The following KCNIP4 variants were observed in gnomAD, a reference collection of about 807,000 sequenced individuals.
KCNIP4 encodes the protein Kv channel-interacting protein 4.
A neutral mutation model predicts 34.0 loss-of-function variants in KCNIP4; 12 were observed. That is an observed-to-expected ratio of 0.35 (90% CI 0.23 to 0.57). KCNIP4 has a LOEUF of 0.57. KCNIP4 is among the 20% of genes least tolerant of loss of function. The pLI is 0.83. For missense variants in KCNIP4, 238 were observed against 311.7 expected (o/e 0.76, Z 1.78); for synonymous variants, 124 against 102.2 (o/e 1.21, Z -1.29).
intron 1 of KCNIP4, among the ~76,000 whole-genome samples, chr4:21,557,652 ACTCT>A (rs1289948604): frequency 2.2e-5 from 3 of 133,862 alleles, no homozygotes; most frequent in Admixed American, 7.4e-5. Flanking sequence ...CCATTCATCT[ACTCT>A]CTGGCCCATG....
At chr4:21,916,723 G>A (rs1728650201) in intron 1 of KCNIP4, among the ~76,000 whole-genome samples, 2 of 152,204 alleles carry the variant, frequency 1.3e-5, no homozygotes, top group African/African-American at 4.8e-5. Context: ...GGGCTTTGAG[G>A]ATTTTCAAAG....
chr4:21,498,299 C>T (rs958624428), intron 1 of KCNIP4, among the ~76,000 whole-genome samples: 1 of 152,080 alleles, frequency 6.6e-6, no homozygotes, highest in Non-Finnish European at 1.5e-5. Context: ...TGACATTCTT[C>T]TTGGCCAATA....
intron 2 of KCNIP4, among the ~76,000 whole-genome samples, chr4:20,868,666 A>G (rs1723110828): frequency 6.6e-6 from 1 of 152,158 alleles, no homozygotes; most frequent in South Asian, 2.1e-4. Context: ...CCATTAAAAA[A>G]GAAGGAAATC....
intron 3 of KCNIP4, among the ~76,000 whole-genome samples, chr4:20,770,798 G>A (rs1255142575): frequency 6.6e-6 from 1 of 152,048 alleles, no homozygotes; most frequent in Non-Finnish European, 1.5e-5. Flanking sequence ...AGCCCTGCAT[G>A]GTGGTGCATG....
At chr4:21,112,050 T>TATCTATCTATATATATATCC (rs1749250723) in intron 1 of KCNIP4, among the ~76,000 whole-genome samples, 8 of 151,874 alleles carry the variant, frequency 5.3e-5, no homozygotes, top group African/African-American at 1.4e-4. Flanking sequence ...TCTATCTATC[T>TATCTATCTATATATATATCC]ATCTATCTAT....
chr4:21,634,258 C>T (rs1039882505), intron 1 of KCNIP4, among the ~76,000 whole-genome samples: 11 of 140,274 alleles, frequency 7.8e-5, no homozygotes, highest in Non-Finnish European at 1.7e-4. Context: ...CACATACATA[C>T]ATACTTTTAT....
chr4:21,087,779 C>G (rs994731739), intron 1 of KCNIP4, among the ~76,000 whole-genome samples: 2 of 152,148 alleles, frequency 1.3e-5, no homozygotes, highest in Admixed American at 6.6e-5. Context: ...CAACACCACT[C>G]AATCCTCCCT....
intron 1 of KCNIP4, among the ~76,000 whole-genome samples, chr4:20,917,231 T>A (rs1728943715): frequency 6.6e-6 from 1 of 151,168 alleles, no homozygotes; most frequent in Non-Finnish European, 1.5e-5. Flanking sequence ...AGAAAGGAAG[T>A]TTCCCCATGT....
chr4:21,271,618 G>A (rs1762147309), intron 1 of KCNIP4, among the ~76,000 whole-genome samples: 1 of 152,262 alleles, frequency 6.6e-6, no homozygotes, highest in South Asian at 2.1e-4. Flanking sequence ...GGGTAGGGGA[G>A]AGGATATAAA....
chr4:21,228,138 AC>A (rs1374541713), intron 1 of KCNIP4, among the ~76,000 whole-genome samples: 5 of 152,284 alleles, frequency 3.3e-5, no homozygotes, highest in African/African-American at 7.2e-5. Context: ...CTGTGTCACC[AC>A]CCAAATCTCA....
intron 3 of KCNIP4, among the ~76,000 whole-genome samples, chr4:20,829,801 A>G (rs555327684): frequency 2.0e-5 from 3 of 152,070 alleles, no homozygotes; most frequent in Non-Finnish European, 4.4e-5. Context: ...CAATGTGACC[A>G]TATCTGTGGC....
chr4:21,502,829 A>C (rs538136735), intron 1 of KCNIP4, among the ~76,000 whole-genome samples: 10 of 152,306 alleles, frequency 6.6e-5, no homozygotes, highest in Admixed American at 3.3e-4. Flanking sequence ...GCATGCTCTA[A>C]GGGGTTATTA....
At chr4:21,696,419 T>G (rs898667486) in intron 1 of KCNIP4, among the ~76,000 whole-genome samples, 6 of 152,140 alleles carry the variant, frequency 3.9e-5, no homozygotes, top group African/African-American at 1.4e-4. Context: ...TGTGTGAGTT[T>G]CTTTACTCTT....
In KCNIP4 at chr4:21,078,800, T is replaced by C. The variant is rs560553935; in HGVS notation, c.62-196091A>G. The stretch of plus-strand genomic sequence containing the variant: ...TTCTGCCAGGAAGAGAAAATTCTGC[T>C]AGTGTGGTACTTCTAGTTTCTTCTC... On this transcript the variant is annotated intron_variant, in intron 1 of 8. Transcript: ENST00000382152. 9.2e-5 allele frequency among the ~76,000 whole-genome samples: 14 copies of C among 152,184 alleles called. No homozygotes were observed. In the South Asian group the frequency reaches 2.3e-3, roughly 25 times the overall value.
intron 1 of KCNIP4, among the ~76,000 whole-genome samples, chr4:21,322,152 A>G (rs77355348): frequency 7.3e-6 from 1 of 136,682 alleles, no homozygotes; most frequent in African/African-American, 2.8e-5. Context: ...AGGGAGGGAC[A>G]GAAGGAAGGA....
At chr4:21,763,099 T>C (rs1718170441) in intron 1 of KCNIP4, 1 of 1,288,338 alleles carries the variant, frequency 7.8e-7, no homozygotes, top group African/African-American at 1.5e-5. Flanking sequence ...AATGCATTCC[T>C]AACAACGAGC....
chr4:21,255,691 C>A (rs1289649615), intron 1 of KCNIP4, among the ~76,000 whole-genome samples: 1 of 151,306 alleles, frequency 6.6e-6, no homozygotes, highest in African/African-American at 2.4e-5. Context: ...AGAGGCTCAA[C>A]CAGGCAAAAC....
intron 3 of KCNIP4, among the ~76,000 whole-genome samples, chr4:20,803,748 AGGAAGGAAAGAAGGAAGGAAGGAC>A (rs1207751312): frequency 6.8e-6 from 1 of 147,756 alleles, no homozygotes; most frequent in African/African-American, 2.5e-5. Flanking sequence ...GAAGGAAGGA[AGGAAGGAAAGAAGGAAGGAAGGAC>A]GGAAAATAGA....
At chr4:21,219,232 T>A (rs530824664) in intron 1 of KCNIP4, among the ~76,000 whole-genome samples, 1 of 152,254 alleles carries the variant, frequency 6.6e-6, no homozygotes, top group Admixed American at 6.5e-5. Flanking sequence ...AAAGGTAAGC[T>A]GACCCTGCTG....
Sources: allele counts gnomAD v4.1 joint callset (sites outside exome capture counted in the v4.1 genomes callset), GRCh38; gene constraint gnomAD v4.1.1; transcripts MANE v1.5; gene names NCBI Gene and HGNC (gene_info 2026-07-23, HGNC 2026-07-21).